Variants in ACER3 observed in about 807,000 individuals in gnomAD.
ACER3 encodes alkCDase 3.
Under a neutral mutation model 48.9 loss-of-function variants are expected in ACER3, and 16 were observed. That is an observed-to-expected ratio of 0.33 (90% CI 0.22 to 0.50). ACER3 has a LOEUF of 0.50. Among genes scored for constraint, ACER3 ranks in the 20% least tolerant of loss-of-function variants. ACER3 has a pLI of 0.98. For missense variants in ACER3, 227 were observed against 326.0 expected, an observed-to-expected ratio of 0.70 and a Z score of 2.34; for synonymous variants, 109 against 107.8, an observed-to-expected ratio of 1.01 and a Z score of -0.07.
At chr11:76,929,167 C>T (rs4468369) in intron 2 of ACER3, among the ~76,000 whole-genome samples, 15 of 152,004 alleles carry the variant, frequency 9.9e-5, no homozygotes, top group East Asian at 7.8e-4. Context: ...TCCTTGAAGA[C>T]GTCCTTCACA....
At chr11:77,018,869 A>G (rs1360711206) in intron 9 of ACER3, among the ~76,000 whole-genome samples, 1 of 152,250 alleles carries the variant, frequency 6.6e-6, no homozygotes, top group African/African-American at 2.4e-5. Flanking sequence ...GAAAAAAGCC[A>G]TCTCCATAAC....
At chr11:76,894,168 A>T (rs1565163118) in intron 1 of ACER3, among the ~76,000 whole-genome samples, 1 of 152,088 alleles carries the variant, frequency 6.6e-6, no homozygotes, top group Non-Finnish European at 1.5e-5. Flanking sequence ...AGTCCCAGCT[A>T]CTCAGGAGGC....
At position 77,023,801 on chromosome 11, in the gene ACER3, C is replaced by G. The variant is rs6592696; in HGVS notation, c.*3474C>G. On this transcript the variant is annotated 3_prime_UTR_variant, in exon 11 of 11. Coordinates refer to ENST00000532485, the MANE Select transcript of ACER3 (RefSeq NM_018367.7). ...CTATTTAAAAATAATGGGCCGGGCG[C>G]GGTGGCTCATGCCTGTAATCCCAGC... 6.6e-6 allele frequency: 1 copy of G among 152,048 alleles called. No homozygotes were observed. Among genetic ancestry groups the G allele is most frequent in the African/African-American group, 2.4e-5 (1 of 41,370 alleles). 9.4% of individuals were successfully genotyped at this position (152,048 alleles called of 1,614,324 possible). A position where few individuals can be genotyped will look rare whatever the true frequency, so the allele number is the denominator to read the frequency against.
At chr11:76,918,279 T>G (rs1946593058) in intron 1 of ACER3, among the ~76,000 whole-genome samples, 1 of 152,072 alleles carries the variant, frequency 6.6e-6, no homozygotes, top group Non-Finnish European at 1.5e-5. Context: ...TCTTCTGATA[T>G]CTATCTTAAT....
At chr11:76,920,847 C>T (rs1946668962) in intron 1 of ACER3, among the ~76,000 whole-genome samples, 1 of 152,070 alleles carries the variant, frequency 6.6e-6, no homozygotes, top group Non-Finnish European at 1.5e-5. Flanking sequence ...TTATGTTGCC[C>T]AGGCTGGTGT....
intron 1 of ACER3, among the ~76,000 whole-genome samples, chr11:76,898,764 C>A (rs1946000708): frequency 6.6e-6 from 1 of 151,294 alleles, no homozygotes; most frequent in African/African-American, 2.4e-5. Flanking sequence ...ATTAACCGGG[C>A]GTAGTGGCGG....
At chr11:76,934,148 C>G (rs1218092367) in intron 2 of ACER3, among the ~76,000 whole-genome samples, 3 of 151,792 alleles carry the variant, frequency 2.0e-5, no homozygotes, top group Non-Finnish European at 4.4e-5. Context: ...GGCAGAGACG[C>G]TCCTCACTTC....
At chr11:76,919,602 T>G (rs953339713) in intron 1 of ACER3, among the ~76,000 whole-genome samples, 1 of 152,210 alleles carries the variant, frequency 6.6e-6, no homozygotes, top group African/African-American at 2.4e-5. Context: ...TACACTATTG[T>G]GTGGTGTATG....
intron 1 of ACER3, among the ~76,000 whole-genome samples, chr11:76,915,196 A>G (rs1323489484): frequency 6.6e-6 from 1 of 151,590 alleles, no homozygotes; most frequent in Non-Finnish European, 1.5e-5. Context: ...ATTTAAAAAA[A>G]GGAAAAATAA....
intron 1 of ACER3, among the ~76,000 whole-genome samples, chr11:76,890,469 GT>G (rs1945777856): frequency 6.6e-6 from 1 of 152,150 alleles, no homozygotes; most frequent in Admixed American, 6.5e-5. Context: ...TATTTTGCCT[GT>G]TTTTCATTAT....
At chr11:76,894,707 G>C (rs561165269) in intron 1 of ACER3, among the ~76,000 whole-genome samples, 1 of 152,204 alleles carries the variant, frequency 6.6e-6, no homozygotes, top group African/African-American at 2.4e-5. Flanking sequence ...TCATGAAAGT[G>C]TATGGAAAAT....
At chr11:76,916,124 T>C (rs529652269) in intron 1 of ACER3, among the ~76,000 whole-genome samples, 57 of 152,366 alleles carry the variant, frequency 3.7e-4, no homozygotes, top group African/African-American at 1.3e-3. Flanking sequence ...GACTGATGCA[T>C]TTTAATTCTA....
chr11:76,963,718 T>A (rs1948060293), intron 3 of ACER3, among the ~76,000 whole-genome samples: 1 of 151,432 alleles, frequency 6.6e-6, no homozygotes, highest in Non-Finnish European at 1.5e-5. Flanking sequence ...ATTATTCCTA[T>A]CTCAGGACAA....
intron 1 of ACER3, among the ~76,000 whole-genome samples, chr11:76,915,559 TCA>T (rs1047573224): frequency 6.6e-6 from 1 of 152,186 alleles, no homozygotes; most frequent in African/African-American, 2.4e-5. Context: ...TGCTGAACTA[TCA>T]CCCGACATTT....
intron 1 of ACER3, among the ~76,000 whole-genome samples, chr11:76,886,490 C>T (rs553516747): frequency 2.0e-5 from 3 of 152,130 alleles, no homozygotes; most frequent in African/African-American, 4.8e-5. Context: ...TTAGGAGATA[C>T]GTTAGCATGT....
chr11:76,999,168 T>C (rs1948978703), intron 7 of ACER3, among the ~76,000 whole-genome samples: 2 of 152,162 alleles, frequency 1.3e-5, no homozygotes, highest in Non-Finnish European at 2.9e-5. Context: ...TTAAACCTAC[T>C]TGACTAGGGA....
rs71040037 is a variant in ACER3, at chr11:76,875,732, G to GTTTTT, written c.103+14673_103+14677dup. On this transcript the variant is annotated intron_variant, in intron 1 of 10. Transcript: ENST00000532485. The stretch of plus-strand genomic sequence containing the variant: ...TTCAATGTAATACACAGTTTTTGTT[G>GTTTTT]TTTTTTTTTTTTTTTTTTTTTTTTG... 6.9e-3 allele frequency among the ~76,000 whole-genome samples: 465 copies of GTTTTT among 67,090 alleles called. 5 individuals carry two copies. Among genetic ancestry groups the GTTTTT allele is most frequent in the Admixed American group, 7.5e-3 (31 of 4,142 alleles). 44.0% of individuals were successfully genotyped at this position (67,090 alleles called of 152,430 possible).
chr11:76,950,867 T>C (rs1420040159), intron 2 of ACER3, among the ~76,000 whole-genome samples: 2 of 152,152 alleles, frequency 1.3e-5, no homozygotes, highest in African/African-American at 4.8e-5. Context: ...GAGAGAAAGA[T>C]AATATGGACG....
intron 9 of ACER3, among the ~76,000 whole-genome samples, chr11:77,018,981 A>G (rs186894139): frequency 1.1e-4 from 16 of 152,168 alleles, no homozygotes; most frequent in African/African-American, 3.4e-4. Context: ...GTGTAGATGA[A>G]ACAGCCTTCT....
Sources: gnomAD v4.1 joint callset for allele counts (sites outside exome capture counted in the v4.1 genomes callset) on GRCh38, gnomAD v4.1.1 for gene constraint, MANE v1.5 for transcripts, NCBI Gene and HGNC (gene_info 2026-07-23, HGNC 2026-07-21) for gene names.